Variants in SCAI observed in about 807,000 individuals in gnomAD.
SCAI encodes protein SCAI.
Under a neutral mutation model 92.2 loss-of-function variants are expected in SCAI, and 24 were observed. That is an observed-to-expected ratio of 0.26 (90% CI 0.19 to 0.37). SCAI has a LOEUF of 0.37. Among genes scored for constraint, SCAI ranks in the 10% least tolerant of loss-of-function variants. The pLI is 1.00. For missense variants in SCAI, 450 were observed against 736.2 expected, an observed-to-expected ratio of 0.61 and a Z score of 4.50; for synonymous variants, 261 against 258.6, an observed-to-expected ratio of 1.01 and a Z score of -0.09.
chr9:125,071,155 T>C (rs1294710447), intron 2 of SCAI, among the ~76,000 whole-genome samples: 1 of 152,182 alleles, frequency 6.6e-6, no homozygotes, highest in Admixed American at 6.5e-5. Flanking sequence ...TTTTCCTTTA[T>C]ATCACCCAGT....
At chr9:125,046,974 T>G (rs533395838) in intron 3 of SCAI, among the ~76,000 whole-genome samples, 2 of 152,150 alleles carry the variant, frequency 1.3e-5, no homozygotes, top group Non-Finnish European at 2.9e-5. Context: ...GGTGACAGCA[T>G]AGTATTGAAT....
chr9:124,957,944 A>C (rs1459357415), intron 17 of SCAI, among the ~76,000 whole-genome samples: 1 of 152,196 alleles, frequency 6.6e-6, no homozygotes, highest in Non-Finnish European at 1.5e-5. Flanking sequence ...TGGCCTCCCA[A>C]AGTGCTGGGA....
intron 17 of SCAI, among the ~76,000 whole-genome samples, chr9:124,969,333 TA>T (rs1831606937): frequency 6.6e-6 from 1 of 152,174 alleles, no homozygotes; most frequent in South Asian, 2.1e-4. Flanking sequence ...AATATTTTTT[TA>T]ACTGTTCAGG....
chr9:124,998,100 T>A (rs770537875), intron 13 of SCAI, among the ~76,000 whole-genome samples: 1 of 152,072 alleles, frequency 6.6e-6, no homozygotes, highest in Non-Finnish European at 1.5e-5. Flanking sequence ...CCACTGCTCC[T>A]GGCCTGAAGT....
intron 17 of SCAI, among the ~76,000 whole-genome samples, chr9:124,962,170 T>TTTTG (rs1554774807): frequency 1.8e-4 from 15 of 84,110 alleles, no homozygotes; most frequent in Non-Finnish European, 2.9e-4. Flanking sequence ...TTTTTTTTTT[T>TTTTG]GCGGGGGGGG....
rs987878957 is a variant in SCAI, at chr9:124,944,651, G to T, written c.*8156C>A. 7 of 151,900 alleles carry T rather than the reference G, an allele frequency of 4.6e-5. No homozygotes were observed. The highest frequency in any genetic ancestry group is 4.6e-4 in the Admixed American group (7 of 15,240). The allele number at this position is 151,900 out of a possible 1,614,324, so 9.4% of individuals were successfully genotyped here. On this transcript the variant is annotated 3_prime_UTR_variant, in exon 18 of 18. Transcript: ENST00000336505. ...TAATTTAGAAAAAAAGCAATTAGTA[G>T]CATGCTTCTTTAAGGGTGGAAATAA...
intron 2 of SCAI, among the ~76,000 whole-genome samples, chr9:125,093,518 G>C (rs1322162740): frequency 6.6e-6 from 1 of 151,330 alleles, no homozygotes; most frequent in East Asian, 1.9e-4. Flanking sequence ...ATAGGTGACA[G>C]TGTGAATTTT....
At chr9:124,992,344 T>C (rs1191125271) in intron 14 of SCAI, among the ~76,000 whole-genome samples, 1 of 152,100 alleles carries the variant, frequency 6.6e-6, no homozygotes, top group Non-Finnish European at 1.5e-5. Flanking sequence ...GTCTGTGCCA[T>C]GATCTGATTT....
At chr9:125,006,071 T>C (rs1204435673) in intron 9 of SCAI, among the ~76,000 whole-genome samples, 3 of 152,230 alleles carry the variant, frequency 2.0e-5, no homozygotes, top group Admixed American at 6.5e-5. Flanking sequence ...AGATCTTCGT[T>C]GGAAGAAGGC....
intron 2 of SCAI, among the ~76,000 whole-genome samples, chr9:125,099,374 G>A (rs984790176): frequency 6.6e-6 from 1 of 151,032 alleles, no homozygotes; most frequent in Non-Finnish European, 1.5e-5. Context: ...TGCAACCTCC[G>A]CCTCTGGGTT....
intron 1 of SCAI, among the ~76,000 whole-genome samples, chr9:125,143,015 C>CGG (rs1564140037): frequency 6.6e-6 from 1 of 150,550 alleles, no homozygotes; most frequent in Non-Finnish European, 1.5e-5. Context: ...CCCCTAGCCT[C>CGG]CCCTTTCCTG....
At chr9:125,060,961 T>A (rs1833757749) in intron 2 of SCAI, among the ~76,000 whole-genome samples, 1 of 152,184 alleles carries the variant, frequency 6.6e-6, no homozygotes, top group Admixed American at 6.5e-5. Context: ...TATCACATTC[T>A]ACTCTAATAT....
chr9:125,085,900 G>A (rs1264173513), intron 2 of SCAI, among the ~76,000 whole-genome samples: 1 of 152,158 alleles, frequency 6.6e-6, no homozygotes, highest in East Asian at 1.9e-4. Flanking sequence ...TTCCTCCCAA[G>A]AGGACCAAGT....
intron 14 of SCAI, among the ~76,000 whole-genome samples, chr9:124,984,508 A>G (rs1348697889): frequency 6.6e-6 from 1 of 152,162 alleles, no homozygotes; most frequent in African/African-American, 2.4e-5. Context: ...AGAGGAGGTA[A>G]TAGGATCTTG....
Position 124,948,394 on chromosome 9 carries a change from A to G in SCAI, c.*4413T>C, listed in dbSNP as rs890715504. The G allele has an allele frequency of 6.6e-6, 1 of 152,246 alleles. No homozygotes were observed. The highest frequency in any genetic ancestry group is 1.5e-5 in the Non-Finnish European group (1 of 68,036). The allele number at this position is 152,246 out of a possible 1,614,324, so 9.4% of individuals were successfully genotyped here. On this transcript the variant is annotated 3_prime_UTR_variant, in exon 18 of 18. Coordinates refer to ENST00000336505, the MANE Select transcript of SCAI (RefSeq NM_001144877.3). ...AGAAACACACACATGCAAATGAAGA[A>G]TACATCCTGGCTAGAATAAAAGATA...
intron 2 of SCAI, among the ~76,000 whole-genome samples, chr9:125,135,586 G>A (rs1416205227): frequency 2.6e-5 from 4 of 152,180 alleles, no homozygotes; most frequent in Admixed American, 6.6e-5. Context: ...CCAGGAGGCA[G>A]AGGTTGCTGT....
chr9:125,054,074 G>C (rs1371940513), intron 3 of SCAI, among the ~76,000 whole-genome samples: 1 of 152,072 alleles, frequency 6.6e-6, no homozygotes, highest in African/African-American at 2.4e-5. Context: ...TCCTGGGCTT[G>C]AGCAATCCTC....
intron 2 of SCAI, among the ~76,000 whole-genome samples, chr9:125,137,196 G>A (rs1335646494): frequency 1.3e-5 from 2 of 152,282 alleles, no homozygotes; most frequent in East Asian, 3.9e-4. Flanking sequence ...TCTTGGTCCT[G>A]CCCATAGGAC....
rs539287341 is a variant in SCAI, at chr9:125,040,894, A to G, written c.231-11155T>C. ...AAGTGATCCGCCGTCTTGGCCTCTC[A>G]AAGTGCTGGGATTACAGGTGTGAGC... On this transcript the variant is annotated intron_variant, in intron 3 of 17. Coordinates refer to ENST00000336505, the MANE Select transcript of SCAI (RefSeq NM_001144877.3). Among the ~76,000 whole-genome samples, 82 of 151,992 alleles carry G rather than the reference A, an allele frequency of 5.4e-4. 2 individuals carry two copies. The highest frequency in any genetic ancestry group is 1.9e-3 in the African/African-American group (79 of 41,452).
Sources: allele counts gnomAD v4.1 joint callset (sites outside exome capture counted in the v4.1 genomes callset), GRCh38; gene constraint gnomAD v4.1.1; transcripts MANE v1.5; gene names NCBI Gene and HGNC (gene_info 2026-07-23, HGNC 2026-07-21).